The following MAN1A1 variants were observed in gnomAD, a reference collection of about 807,000 sequenced individuals.
MAN1A1 encodes mannosidase alpha class 1A member 1.
Under a neutral mutation model 70.8 loss-of-function variants are expected in MAN1A1, and 29 were observed. That is an observed-to-expected ratio of 0.41 (90% CI 0.31 to 0.56). The LOEUF (loss-of-function observed/expected upper bound fraction) is 0.56, where lower values mean the gene tolerates loss of function less well. Among genes scored for constraint, MAN1A1 ranks in the 20% least tolerant of loss-of-function variants. The probability of loss-of-function intolerance (pLI) is 0.29; values close to 1 mark genes in which losing one functional copy is unlikely to be tolerated. For synonymous variants in MAN1A1, 349 were observed against 330.1 expected (o/e 1.06, Z -0.62); for missense variants, 747 against 841.3 (o/e 0.89, Z 1.39).
At chr6:119,221,093 C>T (rs755073795) in intron 6 of MAN1A1, among the ~76,000 whole-genome samples, 2 of 150,680 alleles carry the variant, frequency 1.3e-5, no homozygotes, top group African/African-American at 4.8e-5. Context: ...ACAACAGTTA[C>T]AAGCCCAGTG....
intron 2 of MAN1A1, among the ~76,000 whole-genome samples, chr6:119,316,582 GT>G (rs903599161): frequency 5.9e-5 from 9 of 151,612 alleles, no homozygotes; most frequent in Middle Eastern, 3.4e-3. Context: ...AATCTCAAAA[GT>G]TTTTTTTTAA....
chr6:119,197,164 C>G (rs756474796), intron 8 of MAN1A1, among the ~76,000 whole-genome samples: 1 of 151,936 alleles, frequency 6.6e-6, no homozygotes, highest in Non-Finnish European at 1.5e-5. Context: ...CAAAAGTTAC[C>G]CTGGTGTAGG....
At chr6:119,212,878 C>T (rs1774092543) in intron 6 of MAN1A1, among the ~76,000 whole-genome samples, 1 of 152,156 alleles carries the variant, frequency 6.6e-6, no homozygotes, top group Non-Finnish European at 1.5e-5. Flanking sequence ...ATGCCTAATA[C>T]ATTCTTTATC....
intron 5 of MAN1A1, among the ~76,000 whole-genome samples, chr6:119,286,796 T>C (rs1477737450): frequency 6.6e-6 from 1 of 152,182 alleles, no homozygotes; most frequent in East Asian, 1.9e-4. Flanking sequence ...TGTCGTCTCT[T>C]AGCTTACAAA....
At chr6:119,183,649 T>C (rs766937192) in intron 11 of MAN1A1, among the ~76,000 whole-genome samples, 6 of 152,196 alleles carry the variant, frequency 3.9e-5, no homozygotes, top group Non-Finnish European at 7.4e-5. Context: ...CTCCTCTCCA[T>C]GGAAACTGCT....
intron 5 of MAN1A1, among the ~76,000 whole-genome samples, chr6:119,289,131 A>G (rs887925065): frequency 1.3e-5 from 2 of 151,860 alleles, no homozygotes; most frequent in African/African-American, 4.8e-5. Flanking sequence ...TGTAAACTTA[A>G]AACACTGAGT....
At chr6:119,287,863 G>A (rs1193654516) in intron 5 of MAN1A1, among the ~76,000 whole-genome samples, 1 of 151,754 alleles carries the variant, frequency 6.6e-6, no homozygotes. Flanking sequence ...TTTTAATACT[G>A]ATTCTTCCTA....
At chr6:119,310,362 GC>G (rs1233655644) in intron 2 of MAN1A1, among the ~76,000 whole-genome samples, 4 of 152,214 alleles carry the variant, frequency 2.6e-5, no homozygotes, top group African/African-American at 9.6e-5. Flanking sequence ...AAAACTTTGG[GC>G]TTTCATTGCC....
chr6:119,320,114 C>T (rs1295943279), intron 2 of MAN1A1, among the ~76,000 whole-genome samples: 6 of 152,132 alleles, frequency 3.9e-5, no homozygotes, highest in East Asian at 1.9e-4. Flanking sequence ...GCTGGGACTA[C>T]AGGCGCTCAC....
chr6:119,196,713 A>G (rs548153149), intron 8 of MAN1A1, among the ~76,000 whole-genome samples: 8 of 152,320 alleles, frequency 5.3e-5, no homozygotes, highest in Admixed American at 3.9e-4. Context: ...GAATTAAAAT[A>G]CTCAATATCT....
chr6:119,186,850 C>A (rs1773305885), intron 11 of MAN1A1, among the ~76,000 whole-genome samples: 2 of 152,312 alleles, frequency 1.3e-5, no homozygotes, highest in Middle Eastern at 3.4e-3. Flanking sequence ...AAATGCAAGA[C>A]CCTACAGCAC....
chr6:119,245,199 A>G (rs1263623907), intron 6 of MAN1A1, among the ~76,000 whole-genome samples: 2 of 152,174 alleles, frequency 1.3e-5, no homozygotes, highest in Admixed American at 1.3e-4. Context: ...CAGCTAGTCT[A>G]AAAAGCATCT....
rs1487757609 is a variant in MAN1A1, at chr6:119,349,199, C to G, written c.-134G>C. 1.4e-5 allele frequency: 17 copies of G among 1,220,804 alleles called. No individual in the cohort carries two copies. The highest frequency in any genetic ancestry group is 1.6e-5 in the Non-Finnish European group (16 of 981,786). 75.6% of individuals were successfully genotyped at this position (1,220,804 alleles called of 1,614,324 possible). A position where few individuals can be genotyped will look rare whatever the true frequency, so the allele number is the denominator to read the frequency against. On this transcript the variant is annotated 5_prime_UTR_variant, in exon 2 of 13. Transcript: ENST00000368468. ...CCCCCTCGGCTGGGCTGCGGATCCT[C>G]CCTGGGGGAACAACTCCGCGCCGGG...
At chr6:119,204,091 G>A (rs1343872978) in intron 7 of MAN1A1, among the ~76,000 whole-genome samples, 3 of 152,174 alleles carry the variant, frequency 2.0e-5, no homozygotes, top group Admixed American at 1.3e-4. Context: ...AGCGCGAAGT[G>A]TATCTCAGGA....
At chr6:119,281,880 AC>A (rs1431199859) in intron 5 of MAN1A1, among the ~76,000 whole-genome samples, 1 of 150,330 alleles carries the variant, frequency 6.7e-6, no homozygotes, top group African/African-American at 2.5e-5. Context: ...ACATGGTGAA[AC>A]CCCATCTCTA....
At chr6:119,277,958 A>AAAAAG (rs71015034) in intron 5 of MAN1A1, among the ~76,000 whole-genome samples, 1 of 130,328 alleles carries the variant, frequency 7.7e-6, no homozygotes, top group African/African-American at 2.8e-5. Flanking sequence ...AAAAAAAAAA[A>AAAAAG]GTAAAAATAA....
intron 2 of MAN1A1, among the ~76,000 whole-genome samples, chr6:119,322,836 T>C (rs1236786710): frequency 6.6e-6 from 1 of 152,330 alleles, no homozygotes; most frequent in African/African-American, 2.4e-5. Context: ...CATTTCAAAG[T>C]AGAAGGAAGG....
At chr6:119,299,307 T>C (rs1295401709) in intron 4 of MAN1A1, among the ~76,000 whole-genome samples, 2 of 152,120 alleles carry the variant, frequency 1.3e-5, no homozygotes, top group Admixed American at 1.3e-4. Flanking sequence ...GTTTGGATAT[T>C]GTTGACAACA....
intron 11 of MAN1A1, among the ~76,000 whole-genome samples, chr6:119,187,366 C>T (rs549741323): frequency 3.7e-4 from 56 of 152,158 alleles, no homozygotes; most frequent in Non-Finnish European, 7.2e-4. Context: ...AACATTTTCT[C>T]CAGAGGAAAA....
Sources: gnomAD v4.1 joint callset for allele counts (sites outside exome capture counted in the v4.1 genomes callset) on GRCh38, gnomAD v4.1.1 for gene constraint, MANE v1.5 for transcripts, NCBI Gene and HGNC (gene_info 2026-07-23, HGNC 2026-07-21) for gene names.